EIF4G3: variants seen among roughly 807,000 people sequenced by gnomAD.
EIF4G3 encodes the protein eIF-4-gamma 3.
A neutral mutation model predicts 186.4 loss-of-function variants in EIF4G3; 34 were observed. The ratio of observed to expected loss-of-function variants is 0.18; its 90% confidence interval spans 0.14 to 0.24. The LOEUF (loss-of-function observed/expected upper bound fraction) is 0.24. EIF4G3 is among the 10% of genes least tolerant of loss of function. The pLI is 1.00. For missense variants in EIF4G3, 1,536 were observed against 1,948.5 expected (o/e 0.79, Z 3.99); for synonymous variants, 673 against 679.5 (o/e 0.99, Z 0.15).
At position 20,885,158 on chromosome 1, in the gene EIF4G3, C is replaced by G. The variant is rs373940234; in HGVS notation, c.2424+1043G>C. Among the ~76,000 whole-genome samples the G allele has an allele frequency of 1.7e-4, 26 of 152,292 alleles. No individual in the cohort carries two copies. The East Asian group carries it at 1.9e-3, about 11-fold the overall frequency. On this transcript the variant is annotated intron_variant, in intron 19 of 36. Transcript: ENST00000602326. ...TTACCTCCTGCTGTGTGGCCCCGTTCCCAACAGGCCACTGACTGGTACTAG... is the reference window on the plus strand; with the variant it reads ...TTACCTCCTGCTGTGTGGCCCCGTTGCCAACAGGCCACTGACTGGTACTAG...
intron 2 of EIF4G3, among the ~76,000 whole-genome samples, chr1:21,119,737 G>C (rs1036516669): frequency 6.6e-6 from 1 of 151,990 alleles, no homozygotes; most frequent in East Asian, 1.9e-4. Flanking sequence ...CATTTATATA[G>C]TACGGAGGCT....
At chr1:21,137,389 G>A (rs911326119) in intron 2 of EIF4G3, among the ~76,000 whole-genome samples, 4 of 151,886 alleles carry the variant, frequency 2.6e-5, no homozygotes, top group Non-Finnish European at 5.9e-5. Context: ...AAGCGATCCC[G>A]CCTCAGCCTC....
At chr1:20,863,143 T>A (rs2076720195) in intron 22 of EIF4G3, among the ~76,000 whole-genome samples, 1 of 152,088 alleles carries the variant, frequency 6.6e-6, no homozygotes, top group Non-Finnish European at 1.5e-5. Context: ...GACTACATTT[T>A]TCTAGGCTCC....
Position 20,941,848 on chromosome 1 carries a change from C to T in EIF4G3, c.1306G>A (p.Val436Ile). 6.2e-7 allele frequency: 1 copy of T among 1,614,154 alleles called. No homozygotes were observed. The highest frequency in any genetic ancestry group is 8.5e-7 in the Non-Finnish European group (1 of 1,180,018). ...TCCAATTCAAGAGTCAATGGCAATACTTCCTGTTTTACTATTTCCACAATG... is the reference window on the plus strand; with the variant it reads ...TCCAATTCAAGAGTCAATGGCAATATTTCCTGTTTTACTATTTCCACAATG... ...ESIVEIVKQE[V>I]LPLTLELEIL... Residue 436 changes from valine (V) to isoleucine (I), a missense_variant, in exon 14 of 37, where the codon GTA (valine) becomes ATA (isoleucine). Val to Ile is a conservative substitution (Grantham distance 29, BLOSUM62 3). Coordinates refer to ENST00000602326, the MANE Select transcript of EIF4G3 (RefSeq NM_001391906.1).
chr1:21,108,334 A>T (rs1207316029), intron 2 of EIF4G3, among the ~76,000 whole-genome samples: 2 of 152,190 alleles, frequency 1.3e-5, no homozygotes, highest in African/African-American at 2.4e-5. Flanking sequence ...TATTACATAT[A>T]AACTACTGTA....
intron 32 of EIF4G3, among the ~76,000 whole-genome samples, chr1:20,826,390 C>T (rs1159114283): frequency 6.6e-6 from 1 of 150,762 alleles, no homozygotes; most frequent in African/African-American, 2.4e-5. Context: ...TGGTCTCCAA[C>T]TCCTGACCTC....
At chr1:20,809,401 G>A (rs1048458136) in intron 36 of EIF4G3, among the ~76,000 whole-genome samples, 1 of 152,104 alleles carries the variant, frequency 6.6e-6, no homozygotes, top group Non-Finnish European at 1.5e-5. Flanking sequence ...TTACAAAAGC[G>A]AAAATAAGGA....
At chr1:20,929,413 C>CT (rs2095168629) in intron 14 of EIF4G3, 1 of 152,136 alleles carries the variant, frequency 6.6e-6, no homozygotes, top group Non-Finnish European at 1.5e-5. Context: ...TGCAAACGGC[C>CT]TATCCTAAGG....
chr1:21,108,827 C>A (rs1429740307), intron 2 of EIF4G3, among the ~76,000 whole-genome samples: 1 of 140,994 alleles, frequency 7.1e-6, no homozygotes, highest in Non-Finnish European at 1.5e-5. Flanking sequence ...CACTTCAACC[C>A]GGGAGACAGA....
chr1:21,102,280 G>A (rs962469422), intron 2 of EIF4G3, among the ~76,000 whole-genome samples: 8 of 152,100 alleles, frequency 5.3e-5, no homozygotes, highest in African/African-American at 7.2e-5. Context: ...GTGAAACCCC[G>A]TCTCCATTAA....
intron 14 of EIF4G3, among the ~76,000 whole-genome samples, chr1:20,928,846 C>T (rs1443978618): frequency 6.6e-6 from 1 of 152,090 alleles, no homozygotes; most frequent in African/African-American, 2.4e-5. Flanking sequence ...ATATTTTCAT[C>T]ACCCCAGAAA....
At position 20,869,706 on chromosome 1, in the gene EIF4G3, C is replaced by T. The variant is rs192161141; in HGVS notation, c.2623-4444G>A. On this transcript the variant is annotated intron_variant, in intron 20 of 36. Transcript: ENST00000602326. ...AGGAGAATGGCTTGAACCCGGGAGGCGAAGCTTGCAGTGAGCCGAGATTGT... is the reference window on the plus strand; with the variant it reads ...AGGAGAATGGCTTGAACCCGGGAGGTGAAGCTTGCAGTGAGCCGAGATTGT... Among the ~76,000 whole-genome samples, 1,095 of 140,380 alleles carry T rather than the reference C, an allele frequency of 7.8e-3. 8 individuals carry two copies. Among genetic ancestry groups the T allele is most frequent in the South Asian group, 0.029 (132 of 4,504 alleles). The allele number at this position is 140,380 out of a possible 152,430, so 92.1% of individuals were successfully genotyped here. A position where few individuals can be genotyped will look rare whatever the true frequency, so the allele number is the denominator to read the frequency against.
At chr1:21,046,736 A>G (rs1325383251) in intron 4 of EIF4G3, among the ~76,000 whole-genome samples, 3 of 152,256 alleles carry the variant, frequency 2.0e-5, no homozygotes, top group African/African-American at 7.2e-5. Context: ...TACCGCCAAC[A>G]GAAAATAACC....
At chr1:20,822,328 A>G (rs1453785826) in intron 33 of EIF4G3, among the ~76,000 whole-genome samples, 2 of 125,702 alleles carry the variant, frequency 1.6e-5, no homozygotes, top group Non-Finnish European at 3.4e-5. Flanking sequence ...CTAGAGGTTT[A>G]TCACTTTTAT....
At position 21,047,059 on chromosome 1, in the gene EIF4G3, G is replaced by A. The variant is rs566009386; in HGVS notation, c.-67+3807C>T. Reference sequence around the variant, plus strand: ...TCTAATTTCCCCCTATATGACAGATGAAGAAACGAAGTTCCAGAGATATTA... The same window carrying A: ...TCTAATTTCCCCCTATATGACAGATAAAGAAACGAAGTTCCAGAGATATTA... On this transcript the variant is annotated intron_variant, in intron 4 of 36. Transcript: ENST00000602326. Among the ~76,000 whole-genome samples the A allele has an allele frequency of 3.0e-4, 45 of 152,230 alleles. No homozygotes were observed. In the South Asian group the frequency reaches 8.9e-3, roughly 30 times the overall value.
chr1:21,124,029 G>A (rs1440376050), intron 2 of EIF4G3, among the ~76,000 whole-genome samples: 7 of 152,068 alleles, frequency 4.6e-5, no homozygotes, highest in African/African-American at 1.4e-4. Flanking sequence ...GGTGGCTCAC[G>A]CCTGTAATCC....
intron 12 of EIF4G3, among the ~76,000 whole-genome samples, chr1:20,967,365 T>G (rs2074918961): frequency 6.6e-6 from 1 of 152,170 alleles, no homozygotes. Context: ...AATTGCAAAG[T>G]TTTGCTATAG....
chr1:20,833,360 T>C (rs1486258238), intron 30 of EIF4G3, among the ~76,000 whole-genome samples: 1 of 152,214 alleles, frequency 6.6e-6, no homozygotes, highest in Non-Finnish European at 1.5e-5. Flanking sequence ...GGTATTTTAT[T>C]CTTTTTGAAG....
chr1:20,978,677 C>CCA (rs2077347228), intron 10 of EIF4G3, among the ~76,000 whole-genome samples: 1 of 106,320 alleles, frequency 9.4e-6, no homozygotes, highest in African/African-American at 3.7e-5. Flanking sequence ...TTTATCAGAT[C>CCA]AAAAAAAAAA....
Sources: allele counts gnomAD v4.1 joint callset (sites outside exome capture counted in the v4.1 genomes callset), GRCh38; gene constraint gnomAD v4.1.1; transcripts MANE v1.5; gene names NCBI Gene and HGNC (gene_info 2026-07-23, HGNC 2026-07-21).